The following PLEKHD1 variants were observed in gnomAD, a reference collection of about 807,000 sequenced individuals.
The protein encoded by PLEKHD1 is pleckstrin homology and coiled-coil domain containing D1.
PLEKHD1 carries 51 observed loss-of-function variants against 69.2 expected under a neutral mutation model. The observed-to-expected ratio is 0.74, with a 90% CI of 0.59 to 0.93. The LOEUF (loss-of-function observed/expected upper bound fraction) is 0.93. Among genes scored for constraint, PLEKHD1 ranks in the 40% least tolerant of loss-of-function variants. The probability of loss-of-function intolerance (pLI) is 0.00; values close to 1 mark genes in which losing one functional copy is unlikely to be tolerated. For missense variants in PLEKHD1, 584 were observed against 641.0 expected (o/e 0.91, Z 0.96); for synonymous variants, 236 against 244.7 (o/e 0.96, Z 0.33).
chr14:69,497,277 G>A (rs985546585), intron 1 of PLEKHD1, among the ~76,000 whole-genome samples: 3 of 152,212 alleles, frequency 2.0e-5, no homozygotes, highest in African/African-American at 4.8e-5. Context: ...AACCCCAGCC[G>A]GAAAATGTCA....
intron 5 of PLEKHD1, 26 bp downstream of exon 5, chr14:69,501,851 T>C: frequency 6.6e-7 from 1 of 1,522,304 alleles, no homozygotes; most frequent in Non-Finnish European, 8.9e-7. Context: ...GGTTCCCTAA[T>C]GGTAGCAGCA....
chr14:69,470,975 T>C, the PLEKHD1 span, among the ~76,000 whole-genome samples: 1 of 151,900 alleles, frequency 6.6e-6, no homozygotes. Context: ...GTATTTTTAG[T>C]AGAGGCGGGG....
chr14:69,501,641 C>T lies in PLEKHD1; in HGVS notation c.411-93C>T, dbSNP rs560257274. 47 of 965,652 alleles carry T rather than the reference C, an allele frequency of 4.9e-5. No individual in the cohort carries two copies. The African/African-American group carries it at 6.6e-4, about 14-fold the overall frequency. 59.8% of individuals were successfully genotyped at this position (965,652 alleles called of 1,614,324 possible). On this transcript the variant is annotated intron_variant, in intron 4 of 12. Coordinates refer to ENST00000322564, the MANE Select transcript of PLEKHD1 (RefSeq NM_001161498.2). Reference sequence around the variant, plus strand: ...GGAGAAAGGGTGGGCGAGTACAAAACGTATGCCTTCTCTTTCCCCTCTACC... The same window carrying T: ...GGAGAAAGGGTGGGCGAGTACAAAATGTATGCCTTCTCTTTCCCCTCTACC...
At chr14:69,491,667 CA>C (rs1385417810) in intron 1 of PLEKHD1, among the ~76,000 whole-genome samples, 12 of 152,166 alleles carry the variant, frequency 7.9e-5, no homozygotes, top group African/African-American at 2.7e-4. Context: ...TTCTAGATAA[CA>C]TTTTCCTTGG....
At chr14:69,498,081 ATT>A (rs1882930262) in intron 1 of PLEKHD1, among the ~76,000 whole-genome samples, 1 of 142,802 alleles carries the variant, frequency 7.0e-6, no homozygotes, top group Admixed American at 7.0e-5. Context: ...ATTTTATTTT[ATT>A]TTATTTTATT....
intron 12 of PLEKHD1, 22 bp downstream of exon 12, chr14:69,527,954 C>T (rs1883697968): frequency 6.4e-7 from 1 of 1,550,928 alleles, no homozygotes; most frequent in Non-Finnish European, 8.7e-7. Context: ...TGTCTGCGTG[C>T]CCTGGTGGGA....
intron 1 of PLEKHD1, among the ~76,000 whole-genome samples, chr14:69,486,567 C>T (rs1414606545): frequency 6.6e-6 from 1 of 151,878 alleles, no homozygotes; most frequent in Non-Finnish European, 1.5e-5. Flanking sequence ...GCACAATTAG[C>T]AGAATATCTC....
chr14:69,490,114 CGCCTCG>C (rs1882744536), intron 1 of PLEKHD1, among the ~76,000 whole-genome samples: 2 of 152,268 alleles, frequency 1.3e-5, no homozygotes, highest in African/African-American at 4.8e-5. Context: ...GTGATCTGCC[CGCCTCG>C]GCCTCCCAAA....
chr14:69,482,269 C>T (rs1882555045), upstream of PLEKHD1, among the ~76,000 whole-genome samples: 1 of 152,228 alleles, frequency 6.6e-6, no homozygotes, highest in African/African-American at 2.4e-5. Context: ...CCCTACCGTG[C>T]AGGACTTCTT....
chr14:69,501,034 ATCCTGGTGG>A, intron 4 of PLEKHD1, 87 bp downstream of exon 4: 4 of 1,375,654 alleles, frequency 2.9e-6, no homozygotes, highest in Non-Finnish European at 4.0e-6. Context: ...CTCTGCTGGG[ATCCTGGTGG>A]GCACAGGGCC....
At chr14:69,483,847 C>A (rs61079350), upstream of PLEKHD1, among the ~76,000 whole-genome samples, 1 of 152,186 alleles carries the variant, frequency 6.6e-6, no homozygotes, top group Admixed American at 6.5e-5. Flanking sequence ...TTCCACCTGC[C>A]GGGAGGAGGC....
chr14:69,526,696 G>T lies in PLEKHD1; in HGVS notation c.924-1G>T. On this transcript the variant is annotated splice_acceptor_variant, in intron 9 of 12. Coordinates refer to ENST00000322564, the MANE Select transcript of PLEKHD1 (RefSeq NM_001161498.2). LOFTEE classifies it high-confidence loss of function. ...AGAAAGTGCCTCTTCTGTCCCTACA[G>T]GATGAAGGAGAACGAGGAGCGCTCA... 6.6e-7 allele frequency: 1 copy of T among 1,526,320 alleles called. No individual in the cohort carries two copies. The highest frequency in any genetic ancestry group is 8.8e-7 in the Non-Finnish European group (1 of 1,134,410). 94.5% of individuals were successfully genotyped at this position (1,526,320 alleles called of 1,614,324 possible). A position where few individuals can be genotyped will look rare whatever the true frequency, so the allele number is the denominator to read the frequency against.
chr14:69,531,287 G>C lies in PLEKHD1; in HGVS notation c.*2868G>C, dbSNP rs959282885. The C allele has an allele frequency of 1.3e-5, 2 of 152,226 alleles. No homozygotes were observed. Among genetic ancestry groups the C allele is most frequent in the East Asian group, 1.9e-4 (1 of 5,198 alleles). 9.4% of individuals were successfully genotyped at this position (152,226 alleles called of 1,614,324 possible). On this transcript the variant is annotated 3_prime_UTR_variant, in exon 13 of 13. Coordinates refer to ENST00000322564, the MANE Select transcript of PLEKHD1 (RefSeq NM_001161498.2). ...GCTTTTCCATGCACATTTACCAATCGATACTTCCTCCTATTCTCACCCTGT... is the reference window on the plus strand; with the variant it reads ...GCTTTTCCATGCACATTTACCAATCCATACTTCCTCCTATTCTCACCCTGT...
chr14:69,502,960 TG>T (rs2139508238), intron 6 of PLEKHD1, 81 bp downstream of exon 6: 4 of 1,503,494 alleles, frequency 2.7e-6, no homozygotes, highest in Non-Finnish European at 3.6e-6. Flanking sequence ...GCAGGGGAGC[TG>T]GGTGCACAGA....
At chr14:69,491,067 G>T (rs1172773070) in intron 1 of PLEKHD1, among the ~76,000 whole-genome samples, 1 of 152,174 alleles carries the variant, frequency 6.6e-6, no homozygotes, top group East Asian at 1.9e-4. Flanking sequence ...CATATCTAAA[G>T]GAAGTCTAAA....
intron 7 of PLEKHD1, 136 bp from the exon 8 acceptor site, chr14:69,524,093 G>T: frequency 1.5e-6 from 1 of 668,622 alleles, no homozygotes. Flanking sequence ...GGGCCCAGCT[G>T]TGCAGAGGGG....
At position 69,521,598 on chromosome 14, in the gene PLEKHD1, A is replaced by G. The variant is rs568527792; in HGVS notation, c.556-685A>G. Among the ~76,000 whole-genome samples the G allele has an allele frequency of 1.4e-4, 22 of 152,254 alleles. No homozygotes were observed. In the South Asian group the frequency reaches 4.2e-3, roughly 29 times the overall value. On this transcript the variant is annotated intron_variant, in intron 6 of 12. Transcript: ENST00000322564. ...CAAATTACGTGAAATGTGCCCCCCA[A>G]TGCCACCTGCCACTGAACCCCAGGA...
intron 6 of PLEKHD1, among the ~76,000 whole-genome samples, chr14:69,504,512 C>T (rs1419180456): frequency 6.6e-6 from 1 of 152,030 alleles, no homozygotes; most frequent in Non-Finnish European, 1.5e-5. Context: ...GGCACAGCTC[C>T]TGGCCCAAGA....
chr14:69,479,506 A>G, the PLEKHD1 span, among the ~76,000 whole-genome samples: 1 of 152,146 alleles, frequency 6.6e-6, no homozygotes, highest in South Asian at 2.1e-4. Context: ...GCACAGTCCT[A>G]GTGAGAAAGG....
Sources: allele counts gnomAD v4.1 joint callset (sites outside exome capture counted in the v4.1 genomes callset), GRCh38; gene constraint gnomAD v4.1.1; transcripts MANE v1.5; gene names NCBI Gene and HGNC (gene_info 2026-07-23, HGNC 2026-07-21).